SLC71A2: variants seen among roughly 807,000 people sequenced by gnomAD.
SLC71A2 encodes hippocampus abundant transcript-like 1.
At chr9:94,459,463 G>A in the SLC71A2 span, 1 of 1,600,756 alleles carries the variant, frequency 6.2e-7, no homozygotes, top group Non-Finnish European at 8.5e-7. Flanking sequence ...AGCCATGGAG[G>A]GAGCCACACC....
chr9:94,408,665 A>G, the SLC71A2 span, among the ~76,000 whole-genome samples: 16 of 150,318 alleles, frequency 1.1e-4, no homozygotes, highest in Admixed American at 9.3e-4. Context: ...CTCCCTTATA[A>G]TCCTGTTTCT....
the SLC71A2 span, among the ~76,000 whole-genome samples, chr9:94,412,471 C>T: frequency 1.3e-5 from 2 of 152,166 alleles, no homozygotes; most frequent in African/African-American, 4.8e-5. Flanking sequence ...CATTTTCACC[C>T]TTATGTGTAT....
the SLC71A2 span, among the ~76,000 whole-genome samples, chr9:94,444,598 G>A: frequency 3.3e-5 from 5 of 152,146 alleles, no homozygotes; most frequent in East Asian, 1.9e-4. Context: ...TCACATCCCC[G>A]GTCCCCAGTT....
chr9:94,442,823 C>A, the SLC71A2 span, among the ~76,000 whole-genome samples: 1 of 151,372 alleles, frequency 6.6e-6, no homozygotes, highest in African/African-American at 2.4e-5. Flanking sequence ...ACACTCCAGG[C>A]TGGCGACGGT....
chr9:94,413,476 A>G, the SLC71A2 span, among the ~76,000 whole-genome samples: 1 of 151,894 alleles, frequency 6.6e-6, no homozygotes, highest in Non-Finnish European at 1.5e-5. Context: ...AATTCCATGT[A>G]CTCCTATCAG....
At chr9:94,427,180 GAAT>G in the SLC71A2 span, among the ~76,000 whole-genome samples, 1 of 152,156 alleles carries the variant, frequency 6.6e-6, no homozygotes, top group African/African-American at 2.4e-5. Context: ...AGCCTGAGTA[GAAT>G]ATATGTTTTA....
chr9:94,451,768 G>A, the SLC71A2 span, among the ~76,000 whole-genome samples: 1 of 152,106 alleles, frequency 6.6e-6, no homozygotes, highest in Non-Finnish European at 1.5e-5. Flanking sequence ...TTTCTTTTTT[G>A]AGGTTGTAAT....
the SLC71A2 span, among the ~76,000 whole-genome samples, chr9:94,424,112 C>G: frequency 6.6e-6 from 1 of 152,174 alleles, no homozygotes; most frequent in Non-Finnish European, 1.5e-5. Flanking sequence ...TACTGTGTCA[C>G]CTTTGTCATA....
At chr9:94,392,821 T>A in the SLC71A2 span, among the ~76,000 whole-genome samples, 1 of 148,784 alleles carries the variant, frequency 6.7e-6, no homozygotes, top group Non-Finnish European at 1.5e-5. Context: ...TAAGTTAAGA[T>A]TACACAATGA....
At chr9:94,388,957 C>A in the SLC71A2 span, among the ~76,000 whole-genome samples, 1 of 152,198 alleles carries the variant, frequency 6.6e-6, no homozygotes, top group African/African-American at 2.4e-5. Flanking sequence ...TCTGACCTAT[C>A]TTCCGTCCTT....
At chr9:94,392,145 A>G in the SLC71A2 span, among the ~76,000 whole-genome samples, 4 of 151,318 alleles carry the variant, frequency 2.6e-5, no homozygotes, top group Middle Eastern at 3.2e-3. Context: ...TGTAGTGTCA[A>G]CTGAGCCCAT....
the SLC71A2 span, among the ~76,000 whole-genome samples, chr9:94,387,072 C>G: frequency 7.2e-5 from 11 of 151,942 alleles, no homozygotes; most frequent in Admixed American, 3.9e-4. Flanking sequence ...TCTACCTTTT[C>G]TTTCCTTTCG....
the SLC71A2 span, among the ~76,000 whole-genome samples, chr9:94,452,340 T>A: frequency 6.6e-6 from 1 of 152,100 alleles, no homozygotes; most frequent in Non-Finnish European, 1.5e-5. Context: ...CTCACACCTG[T>A]AATCCCAGCA....
chr9:94,417,158 A>G, the SLC71A2 span, among the ~76,000 whole-genome samples: 1 of 152,214 alleles, frequency 6.6e-6, no homozygotes, highest in African/African-American at 2.4e-5. Context: ...TTTAATATGA[A>G]TATAGATAAA....
the SLC71A2 span, among the ~76,000 whole-genome samples, chr9:94,408,128 A>T: frequency 2.0e-5 from 3 of 152,182 alleles, no homozygotes; most frequent in Non-Finnish European, 4.4e-5. Context: ...CCCAAATTTG[A>T]TGGTTGAACT....
At chr9:94,417,256 C>T in the SLC71A2 span, among the ~76,000 whole-genome samples, 2 of 152,082 alleles carry the variant, frequency 1.3e-5, no homozygotes, top group African/African-American at 4.8e-5. Context: ...GTATACAGTT[C>T]AGTAGTATTA....
the SLC71A2 span, among the ~76,000 whole-genome samples, chr9:94,383,825 T>C: frequency 3.3e-5 from 5 of 151,932 alleles, no homozygotes; most frequent in Non-Finnish European, 5.9e-5. Context: ...CTGAGTTTTG[T>C]AGTTTTCAGT....
the SLC71A2 span, among the ~76,000 whole-genome samples, chr9:94,379,069 G>A: frequency 8.0e-6 from 1 of 125,172 alleles, no homozygotes; most frequent in Non-Finnish European, 1.7e-5. Flanking sequence ...CCTTCTGTAG[G>A]GATTCTTGGT....
At chr9:94,383,708 A>G in the SLC71A2 span, among the ~76,000 whole-genome samples, 1 of 152,086 alleles carries the variant, frequency 6.6e-6, no homozygotes, top group Non-Finnish European at 1.5e-5. Context: ...TGGGATTGTT[A>G]TTGGTATTCT....
Sources: gnomAD v4.1 joint callset for allele counts (sites outside exome capture counted in the v4.1 genomes callset) on GRCh38, gnomAD v4.1.1 for gene constraint, MANE v1.5 for transcripts, NCBI Gene and HGNC (gene_info 2026-07-23, HGNC 2026-07-21) for gene names.